NEGR1: variants seen among roughly 807,000 people sequenced by gnomAD.
NEGR1 encodes neuronal growth regulator 1.
In NEGR1, 10 loss-of-function variants were observed where a neutral mutation model predicts 40.9. The observed-to-expected ratio is 0.24, with a 90% CI of 0.15 to 0.42. The LOEUF (loss-of-function observed/expected upper bound fraction) is 0.42, where lower values mean the gene tolerates loss of function less well. Ranked by LOEUF, NEGR1 falls within the 10% of genes least tolerant of loss-of-function variation. The pLI is 1.00. For synonymous variants in NEGR1, 185 were observed against 166.8 expected (o/e 1.11, Z -0.84); for missense variants, 352 against 438.9 (o/e 0.80, Z 1.77).
At chr1:72,239,694 T>G (rs2100512049) in intron 1 of NEGR1, among the ~76,000 whole-genome samples, 1 of 151,758 alleles carries the variant, frequency 6.6e-6, no homozygotes, top group East Asian at 1.9e-4. Context: ...TACCTGAAAA[T>G]TGCCTAACAG....
intron 2 of NEGR1, among the ~76,000 whole-genome samples, chr1:71,898,980 GCATATATATATATATATATA>G (rs1661063148): frequency 2.1e-3 from 23 of 10,882 alleles, no homozygotes; most frequent in African/African-American, 0.011. Flanking sequence ...TATATATATA[GCATATATATATATATATATA>G]TATATATATA....
intron 1 of NEGR1, among the ~76,000 whole-genome samples, chr1:72,096,786 G>A (rs1362910958): frequency 4.0e-5 from 6 of 151,864 alleles, no homozygotes; most frequent in African/African-American, 1.5e-4. Flanking sequence ...TCAGCCTCCC[G>A]AGTAGCTGGG....
chr1:71,557,587 C>A (rs1440977107), intron 6 of NEGR1, among the ~76,000 whole-genome samples: 2 of 151,552 alleles, frequency 1.3e-5, no homozygotes, highest in Non-Finnish European at 3.0e-5. Context: ...GAACTTTTAA[C>A]TTTTTACTTT....
chr1:71,887,800 C>CT (rs1647175657), intron 2 of NEGR1, among the ~76,000 whole-genome samples: 2 of 152,084 alleles, frequency 1.3e-5, no homozygotes, highest in Admixed American at 1.3e-4. Flanking sequence ...CATACTTTCT[C>CT]TTTGTTATTA....
intron 2 of NEGR1, among the ~76,000 whole-genome samples, chr1:71,833,043 C>T (rs531263122): frequency 6.6e-6 from 1 of 151,994 alleles, no homozygotes; most frequent in African/African-American, 2.4e-5. Flanking sequence ...AAAATAGATC[C>T]ATAAATCTAA....
chr1:72,275,094 G>T (rs879097409), intron 1 of NEGR1: 8 of 893,528 alleles, frequency 9.0e-6, no homozygotes, highest in African/African-American at 3.3e-5. Flanking sequence ...TCCTGATACC[G>T]AAAGACTTGG....
chr1:71,437,961 T>C (rs1646520452), intron 6 of NEGR1, among the ~76,000 whole-genome samples: 1 of 152,240 alleles, frequency 6.6e-6, no homozygotes, highest in Non-Finnish European at 1.5e-5. Flanking sequence ...CTCTTATTAT[T>C]AGCAGTATCT....
At chr1:72,263,994 A>G (rs1229584288) in intron 1 of NEGR1, among the ~76,000 whole-genome samples, 1 of 151,466 alleles carries the variant, frequency 6.6e-6, no homozygotes, top group East Asian at 1.9e-4. Flanking sequence ...ATGGAGCACA[A>G]AAGGGGAAAC....
chr1:71,860,493 T>C (rs1176453245), intron 2 of NEGR1, among the ~76,000 whole-genome samples: 1 of 152,046 alleles, frequency 6.6e-6, no homozygotes, highest in Non-Finnish European at 1.5e-5. Flanking sequence ...TTCAAAATTA[T>C]TGTGTGTTTC....
chr1:71,474,959 G>T (rs1456968964), intron 6 of NEGR1, among the ~76,000 whole-genome samples: 2 of 151,900 alleles, frequency 1.3e-5, no homozygotes, highest in Admixed American at 6.6e-5. Flanking sequence ...TTCAACAAGG[G>T]TCAGGTAAGA....
intron 1 of NEGR1, among the ~76,000 whole-genome samples, chr1:71,953,653 T>G (rs1200738252): frequency 1.3e-5 from 2 of 151,958 alleles, no homozygotes; most frequent in Non-Finnish European, 2.9e-5. Flanking sequence ...AGTCAATCAA[T>G]GTAGCCAACT....
chr1:72,024,528 C>T (rs575620642), intron 1 of NEGR1, among the ~76,000 whole-genome samples: 1 of 152,222 alleles, frequency 6.6e-6, no homozygotes, highest in Admixed American at 6.5e-5. Flanking sequence ...CCATAAACTA[C>T]ATGCCCTAGA....
chr1:71,422,330 G>A (rs1338333858), intron 6 of NEGR1, among the ~76,000 whole-genome samples: 2 of 152,182 alleles, frequency 1.3e-5, no homozygotes, highest in Admixed American at 1.3e-4. Flanking sequence ...ACTGTCTATT[G>A]TTACAGAACT....
intron 4 of NEGR1, among the ~76,000 whole-genome samples, chr1:71,692,240 A>G (rs1653310571): frequency 6.6e-6 from 1 of 151,644 alleles, no homozygotes; most frequent in Non-Finnish European, 1.5e-5. Flanking sequence ...TTAAAAGACA[A>G]CTCTATGCCT....
intron 1 of NEGR1, among the ~76,000 whole-genome samples, chr1:72,080,230 T>C (rs1569930052): frequency 6.6e-6 from 1 of 152,226 alleles, no homozygotes; most frequent in African/African-American, 2.4e-5. Flanking sequence ...AATAAATATT[T>C]CATATCATGT....
chr1:71,750,086 C>T (rs1655519397), intron 3 of NEGR1, among the ~76,000 whole-genome samples: 1 of 151,442 alleles, frequency 6.6e-6, no homozygotes, highest in Non-Finnish European at 1.5e-5. Flanking sequence ...CTCCGCTTCC[C>T]AGGTTCACGC....
chr1:71,685,319 A>C (rs1449658630), intron 4 of NEGR1, among the ~76,000 whole-genome samples: 1 of 138,000 alleles, frequency 7.2e-6, no homozygotes, highest in Non-Finnish European at 1.6e-5. Flanking sequence ...ATTAATTGAC[A>C]TTACTTTTTT....
intron 1 of NEGR1, among the ~76,000 whole-genome samples, chr1:72,249,348 T>C (rs1655009064): frequency 6.6e-6 from 1 of 152,230 alleles, no homozygotes; most frequent in Non-Finnish European, 1.5e-5. Flanking sequence ...GGTATTTTTG[T>C]TATAGCAGCA....
At chr1:71,917,127 C>T (rs1570499058) in intron 2 of NEGR1, among the ~76,000 whole-genome samples, 2 of 152,150 alleles carry the variant, frequency 1.3e-5, no homozygotes, top group Non-Finnish European at 2.9e-5. Flanking sequence ...GTGCACTGGG[C>T]GCCAATGGCT....
Sources: gnomAD v4.1 joint callset for allele counts (sites outside exome capture counted in the v4.1 genomes callset) on GRCh38, gnomAD v4.1.1 for gene constraint, MANE v1.5 for transcripts, NCBI Gene and HGNC (gene_info 2026-07-23, HGNC 2026-07-21) for gene names.